WNK3: variants seen among roughly 807,000 people sequenced by gnomAD.
The protein encoded by WNK3 is serine/threonine-protein kinase WNK3.
Under a neutral mutation model 116.7 loss-of-function variants are expected in WNK3, and 18 were observed. The ratio of observed to expected loss-of-function variants is 0.15; its 90% confidence interval spans 0.11 to 0.23. The LOEUF (loss-of-function observed/expected upper bound fraction) is 0.23. Among genes scored for constraint, WNK3 ranks in the 10% least tolerant of loss-of-function variants. The probability of loss-of-function intolerance (pLI) is 1.00; values close to 1 mark genes in which losing one functional copy is unlikely to be tolerated. For missense variants in WNK3, 993 were observed against 1,323.8 expected (o/e 0.75, Z 3.88); for synonymous variants, 404 against 469.4 (o/e 0.86, Z 1.80).
chrX:54,301,715 A>AAG, intron 6 of WNK3, 56 bp downstream of exon 6: 2 of 1,075,843 alleles, frequency 1.9e-6, no homozygotes, highest in South Asian at 3.9e-5. Flanking sequence ...GACCCAATGC[A>AAG]AGATAAGAGA....
chrX:54,248,283 CTCTT>C lies in WNK3; in HGVS notation c.3651+410_3651+413del, dbSNP rs782574305. Among the ~76,000 whole-genome samples, 59 of 109,863 alleles carry C rather than the reference CTCTT, an allele frequency of 5.4e-4. No homozygotes were observed. In the East Asian group the frequency reaches 0.016, roughly 31 times the overall value. On this transcript the variant is annotated intron_variant, in intron 17 of 23. Coordinates refer to ENST00000354646, the Ensembl canonical transcript of WNK3. ...ATGATGATTTTTACTTTCTTTTCTTCTCTTTTTTTGTCAAATTAAATCCCCCCAA... is the reference window on the plus strand; with the variant it reads ...ATGATGATTTTTACTTTCTTTTCTTCTTTTTGTCAAATTAAATCCCCCCAA...
chrX:54,356,768 C>T (rs782141383), intron 1 of WNK3, among the ~76,000 whole-genome samples: 2 of 111,322 alleles, frequency 1.8e-5, no homozygotes, highest in Admixed American at 1.9e-4. Flanking sequence ...AACAGTAACT[C>T]TTAAGAAAAA....
At chrX:54,305,115 C>T (rs782103091) in intron 5 of WNK3, among the ~76,000 whole-genome samples, 3 of 110,624 alleles carry the variant, frequency 2.7e-5, no homozygotes, top group Non-Finnish European at 5.7e-5. Flanking sequence ...CGTACCACTG[C>T]ACTCCAGCCT....
chrX:54,219,669 CAAAAAAAAAAAA>C (rs34431672), intron 22 of WNK3, among the ~76,000 whole-genome samples: 27 of 15,195 alleles, frequency 1.8e-3, no homozygotes, highest in South Asian at 5.6e-3. Context: ...CTCCATCTCC[CAAAAAAAAAAAA>C]AAAAAAAAAA....
At chrX:54,263,181 G>A (rs782035624) in intron 10 of WNK3, among the ~76,000 whole-genome samples, 4 of 111,326 alleles carry the variant, frequency 3.6e-5, no homozygotes, top group African/African-American at 1.3e-4. Context: ...AAAAAGCTAA[G>A]CCCATGTACA....
rs189905477 is a variant in WNK3, at chrX:54,230,584, A to G, written c.4841-1841T>C. 8.1e-4 allele frequency among the ~76,000 whole-genome samples: 91 copies of G among 112,403 alleles called. 1 individual carries two copies. Among genetic ancestry groups the G allele is most frequent in the African/African-American group, 2.8e-3 (87 of 31,047 alleles). ...TTGCTGACAAAATGTAAAATGATAC[A>G]GCTGCTTGGGAAAATGGTTTGTTAG... On this transcript the variant is annotated intron_variant, in intron 21 of 23. Transcript: ENST00000354646.
At chrX:54,283,135 G>C (rs1275520668) in intron 10 of WNK3, among the ~76,000 whole-genome samples, 1 of 111,626 alleles carries the variant, frequency 9.0e-6, no homozygotes, top group African/African-American at 3.3e-5. Context: ...AAGACAAAAA[G>C]ATACCCAATT....
chrX:54,342,347 C>T (rs782612816), intron 1 of WNK3, among the ~76,000 whole-genome samples: 1 of 110,540 alleles, frequency 9.0e-6, no homozygotes, highest in Non-Finnish European at 1.9e-5. Flanking sequence ...TGGGCAATCA[C>T]CTGTGGTCAG....
At chrX:54,225,916 G>T (rs782114941) in intron 22 of WNK3, among the ~76,000 whole-genome samples, 1 of 109,902 alleles carries the variant, frequency 9.1e-6, no homozygotes, top group Non-Finnish European at 1.9e-5. Context: ...TAGGAATCAA[G>T]ATGGTATGGG....
intron 16 of WNK3, 56 bp downstream of exon 16, chrX:54,249,938 T>A: frequency 8.8e-7 from 1 of 1,133,055 alleles, no homozygotes; most frequent in South Asian, 2.2e-5. Flanking sequence ...ATATCATATG[T>A]ATTTTGCATC....
chrX:54,266,849 C>T (rs1189872798), intron 10 of WNK3, among the ~76,000 whole-genome samples: 1 of 110,754 alleles, frequency 9.0e-6, no homozygotes, highest in Non-Finnish European at 1.9e-5. Flanking sequence ...AGGTTTTAAG[C>T]TCCGCATGCA....
exon 24 of WNK3, chrX:54,194,028 T>C (rs1482669701): frequency 9.0e-6 from 1 of 111,688 alleles, no homozygotes; most frequent in Non-Finnish European, 1.9e-5. Context: ...ATGGCAAATA[T>C]ACCTCAGGAA....
exon 24 of WNK3, chrX:54,195,419 G>A (rs892092293): frequency 9.0e-6 from 1 of 111,442 alleles, no homozygotes; most frequent in African/African-American, 3.3e-5. Context: ...TTTACCTCAA[G>A]TTAATTATTT....
At chrX:54,265,481 C>A (rs1006714928) in intron 10 of WNK3, among the ~76,000 whole-genome samples, 1 of 109,124 alleles carries the variant, frequency 9.2e-6, no homozygotes, top group African/African-American at 3.3e-5. Flanking sequence ...AGCGAGACTC[C>A]GTCTGAAAAA....
At chrX:54,197,638 T>C (rs1336089185) in exon 24 of WNK3, 1 of 106,535 alleles carries the variant, frequency 9.4e-6, no homozygotes, top group African/African-American at 3.4e-5. Context: ...GGCAGGAGAA[T>C]CGCTTGAACC....
intron 10 of WNK3, among the ~76,000 whole-genome samples, chrX:54,282,956 A>G (rs2068534476): frequency 8.9e-6 from 1 of 112,324 alleles, no homozygotes; most frequent in Admixed American, 9.5e-5. Context: ...ACGAAAGAAA[A>G]CATTGAGAAA....
chrX:54,354,681 C>G (rs2069568792), intron 1 of WNK3, among the ~76,000 whole-genome samples: 1 of 110,879 alleles, frequency 9.0e-6, no homozygotes, highest in Non-Finnish European at 1.9e-5. Context: ...TACCCCGGAA[C>G]TTAAAAAATA....
At chrX:54,347,723 T>C (rs1389253409) in intron 1 of WNK3, among the ~76,000 whole-genome samples, 1 of 104,029 alleles carries the variant, frequency 9.6e-6, no homozygotes, top group East Asian at 2.9e-4. Context: ...TATATATATA[T>C]AAAACACAAT....
chrX:54,292,697 A>G (rs2068652036), intron 10 of WNK3, among the ~76,000 whole-genome samples, 191 bp downstream of exon 10: 1 of 85,236 alleles, frequency 1.2e-5, no homozygotes, highest in Admixed American at 1.5e-4. Context: ...CAAGAGCGAC[A>G]CTCCACCTCA....
Sources: allele counts gnomAD v4.1 joint callset (sites outside exome capture counted in the v4.1 genomes callset), GRCh38; gene constraint gnomAD v4.1.1; transcripts MANE v1.5; gene names NCBI Gene and HGNC (gene_info 2026-07-23, HGNC 2026-07-21).